GALNTL6: variants seen among roughly 807,000 people sequenced by gnomAD.
The protein encoded by GALNTL6 is polypeptide N-acetylgalactosaminyltransferase like 6.
GALNTL6 carries 46 observed loss-of-function variants against 73.7 expected under a neutral mutation model. The observed-to-expected ratio is 0.62, with a 90% CI of 0.49 to 0.80. The LOEUF (loss-of-function observed/expected upper bound fraction) is 0.80. GALNTL6 is among the 30% of genes least tolerant of loss of function. The pLI, the probability that GALNTL6 is intolerant of heterozygous loss-of-function variation, is 0.00. For missense variants in GALNTL6, 604 were observed against 755.0 expected (o/e 0.80, Z 2.34); for synonymous variants, 259 against 263.7 (o/e 0.98, Z 0.17).
chr4:172,998,340 T>C (rs1409863412), intron 10 of GALNTL6, among the ~76,000 whole-genome samples: 1 of 152,260 alleles, frequency 6.6e-6, no homozygotes, highest in Admixed American at 6.5e-5. Context: ...GTTGCATTTA[T>C]ATGCTGCTTT....
chr4:172,002,829 A>C (rs1740718098), intron 2 of GALNTL6, among the ~76,000 whole-genome samples: 1 of 152,142 alleles, frequency 6.6e-6, no homozygotes, highest in Non-Finnish European at 1.5e-5. Context: ...CCCACAGAAC[A>C]CGTGTTATAA....
chr4:172,557,459 G>A (rs1736188958), intron 5 of GALNTL6, among the ~76,000 whole-genome samples: 1 of 152,032 alleles, frequency 6.6e-6, no homozygotes, highest in Admixed American at 6.6e-5. Flanking sequence ...TGAAATGCAA[G>A]GCACGGACTG....
chr4:172,161,370 G>A (rs1734461882), intron 2 of GALNTL6, among the ~76,000 whole-genome samples: 1 of 151,924 alleles, frequency 6.6e-6, no homozygotes, highest in Non-Finnish European at 1.5e-5. Context: ...CTTCAGCATG[G>A]TTTTTCCAAA....
In GALNTL6 at chr4:172,237,529, C is replaced by T. The variant is rs115044747; in HGVS notation, c.247+7765C>T. Among the ~76,000 whole-genome samples, 1,216 of 152,182 alleles carry T rather than the reference C, an allele frequency of 8.0e-3. 15 individuals carry two copies. The highest frequency in any genetic ancestry group is 0.028 in the African/African-American group (1,157 of 41,532). ...ATAGTTTACAAATATTTTCTCCCATCGCATGTGTTGTCCATTTACTGTGTT... is the reference window on the plus strand; with the variant it reads ...ATAGTTTACAAATATTTTCTCCCATTGCATGTGTTGTCCATTTACTGTGTT... On this transcript the variant is annotated intron_variant, in intron 3 of 12. Coordinates refer to ENST00000506823, the MANE Select transcript of GALNTL6 (RefSeq NM_001034845.3).
At chr4:172,345,362 T>C (rs1741704921) in intron 4 of GALNTL6, among the ~76,000 whole-genome samples, 1 of 152,130 alleles carries the variant, frequency 6.6e-6, no homozygotes, top group Non-Finnish European at 1.5e-5. Context: ...ATCAACTAAT[T>C]AGGATGAGAC....
intron 5 of GALNTL6, among the ~76,000 whole-genome samples, chr4:172,768,275 AG>A (rs574358836): frequency 6.6e-4 from 100 of 152,274 alleles, no homozygotes; most frequent in African/African-American, 2.4e-3. Context: ...AGGAGAGAGA[AG>A]AGGCAGACAA....
chr4:171,993,416 G>A (rs939569929), intron 2 of GALNTL6, among the ~76,000 whole-genome samples: 1 of 151,326 alleles, frequency 6.6e-6, no homozygotes, highest in African/African-American at 2.4e-5. Flanking sequence ...TTCCTGCCAG[G>A]CAATGGGATG....
chr4:172,830,380 C>G (rs1324300396), intron 7 of GALNTL6, among the ~76,000 whole-genome samples: 1 of 152,288 alleles, frequency 6.6e-6, no homozygotes, highest in South Asian at 2.1e-4. Flanking sequence ...GCTTGTGATG[C>G]TGAAGTGAGC....
At chr4:171,861,526 A>G (rs180909635) in intron 2 of GALNTL6, among the ~76,000 whole-genome samples, 33 of 152,204 alleles carry the variant, frequency 2.2e-4, no homozygotes, top group Admixed American at 2.1e-3. Flanking sequence ...ATTTAAGCAT[A>G]TCCTTCTTTT....
At chr4:172,902,579 C>T (rs1353181513) in intron 8 of GALNTL6, among the ~76,000 whole-genome samples, 1 of 152,182 alleles carries the variant, frequency 6.6e-6, no homozygotes, top group East Asian at 1.9e-4. Context: ...TCAATAGCCT[C>T]AGCAAGGCAG....
intron 2 of GALNTL6, among the ~76,000 whole-genome samples, chr4:171,850,120 C>T (rs1735478994): frequency 6.6e-6 from 1 of 152,192 alleles, no homozygotes; most frequent in Non-Finnish European, 1.5e-5. Flanking sequence ...CGCGTGCCAA[C>T]ACACTGGGCT....
intron 5 of GALNTL6, among the ~76,000 whole-genome samples, chr4:172,608,310 G>A (rs1738385882): frequency 6.6e-6 from 1 of 151,976 alleles, no homozygotes; most frequent in South Asian, 2.1e-4. Context: ...TTTTTTATAT[G>A]GTAAAAGAAA....
intron 2 of GALNTL6, among the ~76,000 whole-genome samples, chr4:172,028,470 T>G (rs1292905541): frequency 6.6e-6 from 1 of 152,044 alleles, no homozygotes; most frequent in African/African-American, 2.4e-5. Flanking sequence ...AATTCTGAGT[T>G]TATAAATTTG....
chr4:172,448,108 A>C (rs1732090796), intron 5 of GALNTL6, among the ~76,000 whole-genome samples: 2 of 152,176 alleles, frequency 1.3e-5, no homozygotes, highest in Non-Finnish European at 2.9e-5. Flanking sequence ...ATGCATGGTT[A>C]TATTTTCCTA....
intron 10 of GALNTL6, among the ~76,000 whole-genome samples, chr4:173,007,161 T>A (rs1436484637): frequency 6.6e-6 from 1 of 152,184 alleles, no homozygotes; most frequent in Non-Finnish European, 1.5e-5. Context: ...CCTTTCATGA[T>A]ACTCCGTATA....
chr4:172,917,823 T>C (rs1217675897), intron 8 of GALNTL6, among the ~76,000 whole-genome samples: 3 of 152,180 alleles, frequency 2.0e-5, no homozygotes, highest in Non-Finnish European at 4.4e-5. Context: ...AGTTCAACCA[T>C]TGTGGAAGAC....
chr4:172,237,476 T>C (rs895561015), intron 3 of GALNTL6, among the ~76,000 whole-genome samples: 2 of 152,230 alleles, frequency 1.3e-5, no homozygotes, highest in Non-Finnish European at 2.9e-5. Context: ...TCCTTATAGA[T>C]TCTGGATATT....
rs570684060 is a variant in GALNTL6, at chr4:172,455,103, C to T, written c.553+106414C>T. 1.6e-4 allele frequency among the ~76,000 whole-genome samples: 24 copies of T among 152,228 alleles called. 1 individual carries two copies. Among genetic ancestry groups the T allele is most frequent in the African/African-American group, 5.5e-4 (23 of 41,548 alleles). On this transcript the variant is annotated intron_variant, in intron 5 of 12. Transcript: ENST00000506823. ...GTGGGGCATCACCTCACCCAGGAAG[C>T]GAAAGGATTTGGGGAACTCCCCTAG...
At chr4:171,849,709 G>T (rs1735468220) in intron 2 of GALNTL6, among the ~76,000 whole-genome samples, 1 of 152,066 alleles carries the variant, frequency 6.6e-6, no homozygotes, top group African/African-American at 2.4e-5. Flanking sequence ...ATAGGAATTT[G>T]GAAAAGATAC....
Sources: gnomAD v4.1 joint callset for allele counts (sites outside exome capture counted in the v4.1 genomes callset) on GRCh38, gnomAD v4.1.1 for gene constraint, MANE v1.5 for transcripts, NCBI Gene and HGNC (gene_info 2026-07-23, HGNC 2026-07-21) for gene names.